CADM2: variants seen among roughly 807,000 people sequenced by gnomAD.
The protein encoded by CADM2 is immunoglobulin superfamily member 4D.
A neutral mutation model predicts 49.8 loss-of-function variants in CADM2; 12 were observed. The ratio of observed to expected loss-of-function variants is 0.24; its 90% CI spans 0.15 to 0.39. The LOEUF (loss-of-function observed/expected upper bound fraction) is 0.39. Among genes scored for constraint, CADM2 ranks in the 10% least tolerant of loss-of-function variants. The pLI, the probability that CADM2 is intolerant of heterozygous loss-of-function variation, is 1.00. For missense variants in CADM2, 378 were observed against 492.3 expected, an observed-to-expected ratio of 0.77 and a Z score of 2.20; for synonymous variants, 214 against 175.4, an observed-to-expected ratio of 1.22 and a Z score of -1.74.
chr3:85,161,831 A>G (rs2040334523), intron 1 of CADM2, among the ~76,000 whole-genome samples: 1 of 152,066 alleles, frequency 6.6e-6, no homozygotes, highest in African/African-American at 2.4e-5. Flanking sequence ...TAGTCTGGCC[A>G]ACATGGTGAA....
At chr3:85,491,551 G>C (rs1364980290) in intron 1 of CADM2, among the ~76,000 whole-genome samples, 2 of 151,984 alleles carry the variant, frequency 1.3e-5, no homozygotes, top group Non-Finnish European at 2.9e-5. Flanking sequence ...AAAACATTTT[G>C]AAAAGTTTAT....
intron 8 of CADM2, among the ~76,000 whole-genome samples, chr3:86,005,822 T>C (rs1387297065): frequency 1.3e-5 from 2 of 152,122 alleles, no homozygotes; most frequent in African/African-American, 4.8e-5. Flanking sequence ...TTTCTAACAA[T>C]TTTTTGTACC....
intron 3 of CADM2, among the ~76,000 whole-genome samples, chr3:85,821,098 A>G (rs894062178): frequency 6.6e-6 from 1 of 152,076 alleles, no homozygotes; most frequent in Non-Finnish European, 1.5e-5. Flanking sequence ...ATCCAGAAAA[A>G]AATAATTCTA....
chr3:85,510,598 G>A (rs549737403), intron 1 of CADM2, among the ~76,000 whole-genome samples: 15 of 151,620 alleles, frequency 9.9e-5, no homozygotes, highest in African/African-American at 3.1e-4. Context: ...TGAGCTTTAC[G>A]AAGTTAAATA....
At chr3:85,311,028 C>G (rs1407739805) in intron 1 of CADM2, among the ~76,000 whole-genome samples, 2 of 152,118 alleles carry the variant, frequency 1.3e-5, no homozygotes, top group Non-Finnish European at 2.9e-5. Flanking sequence ...AGACATCAGG[C>G]AGAGCTGTCA....
At chr3:85,602,446 A>G (rs1266407936) in intron 1 of CADM2, among the ~76,000 whole-genome samples, 4 of 151,844 alleles carry the variant, frequency 2.6e-5, no homozygotes, top group African/African-American at 7.2e-5. Context: ...CATTCTTGCA[A>G]AATGAGACTT....
intron 1 of CADM2, among the ~76,000 whole-genome samples, chr3:85,671,576 C>A (rs759936195): frequency 4.9e-4 from 74 of 152,086 alleles, no homozygotes; most frequent in Non-Finnish European, 9.9e-4. Flanking sequence ...CATCGCAGTA[C>A]CTTTAACCCT....
intron 2 of CADM2, among the ~76,000 whole-genome samples, chr3:85,747,438 C>T (rs765194420): frequency 6.6e-6 from 1 of 151,932 alleles, no homozygotes; most frequent in Non-Finnish European, 1.5e-5. Context: ...AAATTGTCTG[C>T]CCTCCAATTA....
chr3:85,384,742 A>T lies in CADM2; in HGVS notation c.62-341780A>T, dbSNP rs1298011950. ...ATATATAACAATTATATAATTTTCC[A>T]TGGGTATGTGGCTTTTCTTTTTATA... On this transcript the variant is annotated intron_variant, in intron 1 of 9. Coordinates refer to ENST00000383699, the MANE Select transcript of CADM2 (RefSeq NM_001167675.2). Among the ~76,000 whole-genome samples, 6 of 151,750 alleles carry T rather than the reference A, an allele frequency of 4.0e-5. No homozygotes were observed. In the East Asian group the frequency reaches 1.2e-3, roughly 29 times the overall value.
At chr3:85,567,913 C>T (rs1314742502) in intron 1 of CADM2, among the ~76,000 whole-genome samples, 2 of 152,172 alleles carry the variant, frequency 1.3e-5, no homozygotes, top group African/African-American at 4.8e-5. Context: ...GCCTGGAAGT[C>T]TAATGTGGAA....
intron 3 of CADM2, among the ~76,000 whole-genome samples, chr3:85,822,549 A>C (rs557472072): frequency 9.9e-5 from 15 of 152,142 alleles, no homozygotes; most frequent in Admixed American, 2.0e-4. Flanking sequence ...ACGCTACTGC[A>C]CTCCAGCCTA....
At chr3:85,669,534 T>C (rs558154867) in intron 1 of CADM2, among the ~76,000 whole-genome samples, 2 of 152,290 alleles carry the variant, frequency 1.3e-5, no homozygotes, top group East Asian at 3.9e-4. Context: ...ATGATTGTCA[T>C]AGAATGAAGA....
chr3:85,354,427 A>T lies in CADM2; in HGVS notation c.62-372095A>T, dbSNP rs144825465. Among the ~76,000 whole-genome samples the T allele has an allele frequency of 4.7e-4, 71 of 151,450 alleles. No homozygotes were observed. The East Asian group carries it at 0.013, about 28-fold the overall frequency. ...TAAATGACGAGTTAATGGGTGCAGC[A>T]CACCAACATGGCACATGTATACATA... On this transcript the variant is annotated intron_variant, in intron 1 of 9. Coordinates refer to ENST00000383699, the MANE Select transcript of CADM2 (RefSeq NM_001167675.2).
intron 7 of CADM2, among the ~76,000 whole-genome samples, chr3:85,954,244 A>G (rs1415842129): frequency 6.6e-6 from 1 of 151,100 alleles, no homozygotes. Flanking sequence ...TAATTTTTCA[A>G]TAATTAATAT....
intron 1 of CADM2, among the ~76,000 whole-genome samples, chr3:85,227,134 T>C (rs1234659337): frequency 6.6e-6 from 1 of 152,200 alleles, no homozygotes; most frequent in Non-Finnish European, 1.5e-5. Context: ...TAGATGACTA[T>C]TAGGTCCACT....
intron 1 of CADM2, among the ~76,000 whole-genome samples, chr3:85,504,850 AT>A (rs2040261015): frequency 6.6e-6 from 1 of 152,136 alleles, no homozygotes; most frequent in Admixed American, 6.5e-5. Flanking sequence ...CCGGCGAGAA[AT>A]AGAGCGCAGC....
intron 1 of CADM2, among the ~76,000 whole-genome samples, chr3:85,282,079 A>G (rs895273043): frequency 6.6e-6 from 1 of 152,032 alleles, no homozygotes; most frequent in Admixed American, 6.6e-5. Flanking sequence ...TATGTGTGAA[A>G]TATTATACAT....
chr3:85,123,482 G>A (rs144539805), intron 1 of CADM2, among the ~76,000 whole-genome samples: 1 of 152,080 alleles, frequency 6.6e-6, no homozygotes, highest in Non-Finnish European at 1.5e-5. Flanking sequence ...TCTAAGAGGG[G>A]CACTCCTCTG....
At chr3:85,348,725 A>G (rs780805589) in intron 1 of CADM2, among the ~76,000 whole-genome samples, 2 of 152,296 alleles carry the variant, frequency 1.3e-5, no homozygotes, top group South Asian at 2.1e-4. Context: ...TAGGCAATCT[A>G]TTAAAATGTG....
Sources: allele counts gnomAD v4.1 joint callset (sites outside exome capture counted in the v4.1 genomes callset), GRCh38; gene constraint gnomAD v4.1.1; transcripts MANE v1.5; gene names NCBI Gene and HGNC (gene_info 2026-07-23, HGNC 2026-07-21).